ROBO1: variants seen among roughly 807,000 people sequenced by gnomAD.
The protein encoded by ROBO1 is roundabout guidance receptor 1.
ROBO1 carries 149 observed loss-of-function variants against 195.9 expected under a neutral mutation model. That is an observed-to-expected ratio of 0.76 (90% CI 0.67 to 0.87). The LOEUF (loss-of-function observed/expected upper bound fraction) is 0.87, where lower values mean the gene tolerates loss of function less well. ROBO1 is among the 40% of genes least tolerant of loss of function. ROBO1 has a pLI of 0.00. For missense variants in ROBO1, 1,933 were observed against 2,068.3 expected (o/e 0.93, Z 1.27); for synonymous variants, 816 against 733.2 (o/e 1.11, Z -1.82).
At chr3:79,327,526 A>G (rs982661196) in intron 2 of ROBO1, among the ~76,000 whole-genome samples, 2 of 151,992 alleles carry the variant, frequency 1.3e-5, no homozygotes. Context: ...AATCATCAAA[A>G]CATGTACCAT....
intron 1 of ROBO1, among the ~76,000 whole-genome samples, chr3:79,689,449 C>T (rs13060599): frequency 0.57 from 87,132 of 151,560 alleles, 25,205 homozygotes; most frequent in South Asian, 0.67. Context: ...CATTTAAGAT[C>T]TATAATCATA....
intron 3 of ROBO1, among the ~76,000 whole-genome samples, chr3:79,022,873 G>T (rs944465027): frequency 1.3e-5 from 2 of 152,098 alleles, no homozygotes; most frequent in Admixed American, 6.5e-5. Flanking sequence ...CGTGAAGAAG[G>T]GCTTTTTGAC....
rs185692957 is a variant in ROBO1, at chr3:79,223,040, C to T, written c.89-97501G>A. Among the ~76,000 whole-genome samples the T allele has an allele frequency of 4.8e-4, 73 of 152,254 alleles. 1 individual carries two copies. The highest frequency in any genetic ancestry group is 3.4e-3 in the Middle Eastern group (1 of 294). ...GCAAATGGTAAACTTAGCATGAGTT[C>T]TCCGGTAGGTACTAATTGGAAGAGG... is the stretch of plus-strand genomic sequence containing the variant. On this transcript the variant is annotated intron_variant, in intron 2 of 30. Coordinates refer to ENST00000464233, the MANE Select transcript of ROBO1 (RefSeq NM_002941.4).
At chr3:79,373,296 T>C (rs1363120592) in intron 2 of ROBO1, among the ~76,000 whole-genome samples, 1 of 152,200 alleles carries the variant, frequency 6.6e-6, no homozygotes, top group East Asian at 1.9e-4. Flanking sequence ...TTTTTCCTTA[T>C]GTGTAATCTG....
chr3:79,646,359 A>G (rs1051738533), intron 1 of ROBO1, among the ~76,000 whole-genome samples: 1 of 152,170 alleles, frequency 6.6e-6, no homozygotes, highest in Non-Finnish European at 1.5e-5. Context: ...GCACAATGAT[A>G]TATCACCTCA....
chr3:78,905,308 G>T (rs2037834628), intron 4 of ROBO1, among the ~76,000 whole-genome samples: 1 of 152,112 alleles, frequency 6.6e-6, no homozygotes, highest in Non-Finnish European at 1.5e-5. Context: ...AGGACTAAGG[G>T]AGAGAGAAAG....
At chr3:79,677,875 C>A (rs995326885) in intron 1 of ROBO1, among the ~76,000 whole-genome samples, 1 of 152,078 alleles carries the variant, frequency 6.6e-6, no homozygotes, top group African/African-American at 2.4e-5. Context: ...GGATCCTAAG[C>A]ATAGGACCCA....
At chr3:79,729,966 A>G (rs1033671278) in intron 1 of ROBO1, among the ~76,000 whole-genome samples, 6 of 152,196 alleles carry the variant, frequency 3.9e-5, no homozygotes, top group Admixed American at 3.9e-4. Context: ...CTTGCCAACC[A>G]TTGTCCTTTA....
intron 2 of ROBO1, among the ~76,000 whole-genome samples, chr3:79,300,482 C>T (rs973503766): frequency 3.9e-5 from 6 of 152,224 alleles, no homozygotes; most frequent in Non-Finnish European, 5.9e-5. Flanking sequence ...ACCTGCAGCC[C>T]GCCATGCCTG....
At chr3:79,043,769 A>G (rs1442396986) in intron 3 of ROBO1, among the ~76,000 whole-genome samples, 1 of 152,176 alleles carries the variant, frequency 6.6e-6, no homozygotes. Flanking sequence ...CTAGGCAAAC[A>G]AAGAACTCTT....
intron 2 of ROBO1, among the ~76,000 whole-genome samples, chr3:79,487,232 G>A (rs549163255): frequency 4.0e-4 from 8 of 20,122 alleles, no homozygotes; most frequent in East Asian, 1.7e-3. Context: ...TTTATTTTTC[G>A]TTGTTATAGA....
intron 3 of ROBO1, among the ~76,000 whole-genome samples, chr3:79,040,057 A>G (rs2078456561): frequency 6.6e-6 from 1 of 152,154 alleles, no homozygotes; most frequent in Non-Finnish European, 1.5e-5. Context: ...ATTGATATTA[A>G]TAACAAGTTA....
intron 4 of ROBO1, among the ~76,000 whole-genome samples, chr3:78,756,860 C>T (rs1348615374): frequency 1.3e-5 from 2 of 152,010 alleles, no homozygotes; most frequent in East Asian, 1.9e-4. Context: ...TGAATAACAG[C>T]TCATATAGAA....
At chr3:79,194,399 G>A (rs1457507485) in intron 2 of ROBO1, among the ~76,000 whole-genome samples, 3 of 151,612 alleles carry the variant, frequency 2.0e-5, no homozygotes, top group African/African-American at 7.3e-5. Context: ...GTTACATTGT[G>A]ATTAGGTCAC....
At chr3:79,446,248 T>C (rs369218860) in intron 2 of ROBO1, among the ~76,000 whole-genome samples, 124 of 152,350 alleles carry the variant, frequency 8.1e-4, no homozygotes, top group African/African-American at 2.7e-3. Flanking sequence ...CTTTTACTTC[T>C]GTAGGTAACA....
intron 3 of ROBO1, among the ~76,000 whole-genome samples, chr3:78,954,837 T>C (rs1219284323): frequency 6.6e-6 from 1 of 152,074 alleles, no homozygotes; most frequent in Admixed American, 6.6e-5. Context: ...TTAAAAGTAC[T>C]CTTATAACTT....
At chr3:79,402,892 A>G (rs1370513898) in intron 2 of ROBO1, among the ~76,000 whole-genome samples, 1 of 151,918 alleles carries the variant, frequency 6.6e-6, no homozygotes, top group Non-Finnish European at 1.5e-5. Context: ...AGTATAAGAA[A>G]TTTCTTTAGC....
intron 1 of ROBO1, among the ~76,000 whole-genome samples, chr3:79,740,664 C>T (rs1703607066): frequency 1.3e-5 from 2 of 152,154 alleles, no homozygotes; most frequent in African/African-American, 4.8e-5. Flanking sequence ...TGGCAGAAAC[C>T]GCCCCCATGA....
chr3:79,161,366 C>A (rs905535657), intron 2 of ROBO1, among the ~76,000 whole-genome samples: 1 of 151,974 alleles, frequency 6.6e-6, no homozygotes, highest in Admixed American at 6.6e-5. Context: ...AGTGACAATT[C>A]CCAATAACAT....
Sources: gnomAD v4.1 joint callset for allele counts (sites outside exome capture counted in the v4.1 genomes callset) on GRCh38, gnomAD v4.1.1 for gene constraint, MANE v1.5 for transcripts, NCBI Gene and HGNC (gene_info 2026-07-23, HGNC 2026-07-21) for gene names.